The following SYNJ2 variants were observed in gnomAD, a reference collection of about 807,000 sequenced individuals.
SYNJ2 encodes the protein synaptojanin 2.
A neutral mutation model predicts 141.3 loss-of-function variants in SYNJ2; 116 were observed. The observed-to-expected ratio is 0.82, with a 90% CI of 0.71 to 0.96. The LOEUF (loss-of-function observed/expected upper bound fraction) is 0.96. Ranked by LOEUF, SYNJ2 falls within the 40% of genes least tolerant of loss-of-function variation. SYNJ2 has a pLI of 0.00. For missense variants in SYNJ2, 1,873 were observed against 1,934.8 expected, an observed-to-expected ratio of 0.97 and a Z score of 0.60; for synonymous variants, 745 against 777.7, an observed-to-expected ratio of 0.96 and a Z score of 0.70.
At chr6:158,088,479 C>T (rs1783223729) in intron 23 of SYNJ2, among the ~76,000 whole-genome samples, 181 bp from the exon 24 acceptor site, 1 of 152,134 alleles carries the variant, frequency 6.6e-6, no homozygotes, top group Non-Finnish European at 1.5e-5. Flanking sequence ...AAGTGAGAAA[C>T]TCCATAGAGA....
At position 158,059,320 on chromosome 6, in the gene SYNJ2, A is replaced by G. The variant is rs1280708132; in HGVS notation, c.921A>G (p.Arg307=). The G allele has an allele frequency of 3.2e-6, 5 of 1,550,884 alleles. No homozygotes were observed. The highest frequency in any genetic ancestry group is 4.4e-6 in the Non-Finnish European group (5 of 1,146,934). ...QQVVVNLLGS[R]GGEEVLNRAF... ...TGGTCGTGAACCTTCTGGGAAGCAGAGGCGGAGAGGAGGTGCTCAACAGAG... is the reference window on the plus strand; with the variant it reads ...TGGTCGTGAACCTTCTGGGAAGCAGGGGCGGAGAGGAGGTGCTCAACAGAG... The change falls in exon 7 of 27, where the codon AGA becomes AGG. Residue 307 remains arginine, a synonymous_variant. Coordinates refer to ENST00000355585, the MANE Select transcript of SYNJ2 (RefSeq NM_003898.4).
chr6:158,062,021 C>T lies in SYNJ2; in HGVS notation c.984C>T (p.Gly328=), dbSNP rs142499089. Residue 328 remains glycine, a synonymous_variant, in exon 8 of 27, where the codon GGC becomes GGT. Transcript: ENST00000355585. The part of the protein sequence containing the change: ...KKLLWASCHA[G]DTPMINFDFH... ...TGCTCTGGGCTTCTTGCCACGCGGG[C>T]GACACGCCTATGATCAATTTTGACT... 13 of 1,613,946 alleles carry T rather than the reference C, an allele frequency of 8.1e-6. No individual in the cohort carries two copies. The highest frequency in any genetic ancestry group is 3.3e-5 in the South Asian group (3 of 91,092).
In SYNJ2 at chr6:158,040,650, G is replaced by T. The variant is rs1415788644; in HGVS notation, c.712-2666G>T. 6.6e-6 allele frequency among the ~76,000 whole-genome samples: 1 copy of T among 152,216 alleles called. No homozygotes were observed. Among genetic ancestry groups the T allele is most frequent in the Non-Finnish European group, 1.5e-5 (1 of 68,034 alleles). ...CAGGAATGCAGACTTGGAGATAATT[G>T]GTTTGCAGACACTGTATCTGGAAGC... is the stretch of plus-strand genomic sequence containing the variant. On this transcript the variant is annotated intron_variant, in intron 4 of 26. Coordinates refer to ENST00000355585, the MANE Select transcript of SYNJ2 (RefSeq NM_003898.4). This position sits in a 1 kb window ranked among gnomAD's most constrained non-coding sequence, Gnocchi z 4.2.
Position 158,087,303 on chromosome 6 carries a change from G to A in SYNJ2, c.3343+314G>A, listed in dbSNP as rs181417341. On this transcript the variant is annotated intron_variant, in intron 23 of 26. Transcript: ENST00000355585. ...TGGGGGCCGCAGCCATGGGAGGGAC[G>A]TGAGCTTCGCAGTCAGAAGTCTCTC... Among the ~76,000 whole-genome samples, 6 of 152,314 alleles carry A rather than the reference G, an allele frequency of 3.9e-5. No individual in the cohort carries two copies. The East Asian group carries it at 9.6e-4, about 24-fold the overall frequency.
Position 158,027,058 on chromosome 6 carries a change from C to T in SYNJ2, c.215-1698C>T. ...CCCTGCTGGCAGCCCCACCCCATGG[C>T]ATAGCAGCAGGCCCCTGGGAGCCCT... On this transcript the variant is annotated intron_variant, in intron 2 of 26. Transcript: ENST00000355585. The surrounding 1 kb of genome is among the most constrained non-coding windows in gnomAD (Gnocchi z 4.6). 1.0e-6 allele frequency: 1 copy of T among 985,386 alleles called. No homozygotes were observed. Among genetic ancestry groups the T allele is most frequent in the Non-Finnish European group, 1.2e-6 (1 of 829,920 alleles). 61.0% of individuals were successfully genotyped at this position (985,386 alleles called of 1,614,324 possible). A position where few individuals can be genotyped will look rare whatever the true frequency, so the allele number is the denominator to read the frequency against.
rs747389528 is a variant in SYNJ2, at chr6:158,074,574, A to C, written c.2134-6A>C. 6.2e-7 allele frequency: 1 copy of C among 1,610,544 alleles called. No individual in the cohort carries two copies. The highest frequency in any genetic ancestry group is 8.5e-7 in the Non-Finnish European group (1 of 1,178,656). The stretch of plus-strand genomic sequence containing the variant: ...CTGAATGATTATGATTTTCTTTTCA[A>C]CTTAGGGGAGAAATGTTTTTTCTCA... On this transcript the variant is annotated splice_polypyrimidine_tract_variant and splice_region_variant and intron_variant, in intron 15 of 26. Coordinates refer to ENST00000355585, the MANE Select transcript of SYNJ2 (RefSeq NM_003898.4).
intron 2 of SYNJ2, among the ~76,000 whole-genome samples, chr6:158,026,147 C>A (rs549605135): frequency 6.6e-6 from 1 of 152,304 alleles, no homozygotes; most frequent in African/African-American, 2.4e-5. Flanking sequence ...ATTCAGCTTC[C>A]CTGGGGGACA....
Position 158,095,874 on chromosome 6 carries a change from C to CCCTT in SYNJ2, c.4001_4002insCCTT (p.Arg1335LeufsTer30). On this transcript the variant is annotated frameshift_variant, in exon 27 of 27. Transcript: ENST00000355585. LOFTEE classifies it low-confidence loss of function (END_TRUNC). Reference sequence around the variant, plus strand: ...CCGCCTCTTGTGCCCAAGGTACCCCCGAGGAGGAAGAAGTCAGCCCCCGCA... The same window carrying CCCTT: ...CCGCCTCTTGTGCCCAAGGTACCCCCCCTTGAGGAGGAAGAAGTCAGCCCCCGCA... 6.2e-7 allele frequency: 1 copy of CCCTT among 1,614,148 alleles called. No individual in the cohort carries two copies. Among genetic ancestry groups the CCCTT allele is most frequent in the Non-Finnish European group, 8.5e-7 (1 of 1,180,014 alleles).
chr6:158,084,232 T>C lies in SYNJ2; in HGVS notation c.3208+58T>C. ...GCGATGGAGTCAGCTCAGGACAGAC[T>C]TTCCTTTTTCTCTTGGCGATTGGGC... On this transcript the variant is annotated intron_variant, in intron 22 of 26. Coordinates refer to ENST00000355585, the MANE Select transcript of SYNJ2 (RefSeq NM_003898.4). The surrounding 1 kb of genome is among the most constrained non-coding windows in gnomAD (Gnocchi z 5.0). 6.4e-7 allele frequency: 1 copy of C among 1,556,636 alleles called. No individual in the cohort carries two copies. Among genetic ancestry groups the C allele is most frequent in the Non-Finnish European group, 8.7e-7 (1 of 1,150,086 alleles).
intron 15 of SYNJ2, among the ~76,000 whole-genome samples, chr6:158,072,118 T>A (rs1781970001): frequency 6.6e-6 from 1 of 152,246 alleles, no homozygotes; most frequent in African/African-American, 2.4e-5. Flanking sequence ...ACCATGTCCG[T>A]GGTCTGTCCT....
chr6:158,074,610 TTTTG>T lies in SYNJ2; in HGVS notation c.2165_2168del (p.Phe722CysfsTer101), dbSNP rs1201157419. On this transcript the variant is annotated frameshift_variant, in exon 16 of 27. Coordinates refer to ENST00000355585, the MANE Select transcript of SYNJ2 (RefSeq NM_003898.4). LOFTEE classifies it high-confidence loss of function. ...AAATGTTTTTTCTCATGATTATGTATTTTGGTGTGGCGATTTCAACTACCGCATT... is the reference window on the plus strand; with the variant it reads ...AAATGTTTTTTCTCATGATTATGTATGTGTGGCGATTTCAACTACCGCATT... The T allele has an allele frequency of 1.2e-6, 2 of 1,613,692 alleles. No individual in the cohort carries two copies. Among genetic ancestry groups the T allele is most frequent in the Admixed American group, 3.3e-5 (2 of 59,968 alleles).
chr6:158,070,299 C>A lies in SYNJ2; in HGVS notation c.1940+626C>A. On this transcript the variant is annotated intron_variant, in intron 14 of 26. Coordinates refer to ENST00000355585, the MANE Select transcript of SYNJ2 (RefSeq NM_003898.4). This position sits in a 1 kb window ranked among gnomAD's most constrained non-coding sequence, Gnocchi z 4.0. The stretch of plus-strand genomic sequence containing the variant: ...AGCCTTTCGGCGAGCTGGCAGCAGG[C>A]GTTGAACTGACCTCCCCACTGAGCC... 1 of 985,508 alleles carries A rather than the reference C, an allele frequency of 1.0e-6. No homozygotes were observed. The highest frequency in any genetic ancestry group is 1.2e-6 in the Non-Finnish European group (1 of 830,062). 61.0% of individuals were successfully genotyped at this position (985,508 alleles called of 1,614,324 possible).
chr6:158,072,883 A>T (rs182828857), intron 15 of SYNJ2, among the ~76,000 whole-genome samples: 4 of 152,130 alleles, frequency 2.6e-5, no homozygotes, highest in Non-Finnish European at 5.9e-5. Flanking sequence ...CAGCCTGGCC[A>T]ACGTGGTGAA....
intron 1 of SYNJ2, among the ~76,000 whole-genome samples, chr6:158,014,776 G>A (rs538667524): frequency 4.8e-4 from 73 of 152,346 alleles, no homozygotes; most frequent in African/African-American, 1.7e-3. Flanking sequence ...TCCTGTGCTC[G>A]CTAGAGGAGC....
At chr6:158,062,499 C>T (rs1472785279) in intron 8 of SYNJ2, among the ~76,000 whole-genome samples, 3 of 152,114 alleles carry the variant, frequency 2.0e-5, no homozygotes, top group Non-Finnish European at 4.4e-5. Context: ...TGCATTAAAA[C>T]ATGGAGCTCC....
At chr6:157,994,412 TG>T (rs1777568877) in intron 1 of SYNJ2, among the ~76,000 whole-genome samples, 1 of 152,176 alleles carries the variant, frequency 6.6e-6, no homozygotes, top group African/African-American at 2.4e-5. Flanking sequence ...CAATGGAGGT[TG>T]TTTGTTTTTA....
chr6:158,078,079 C>A, intron 17 of SYNJ2, 85 bp from the exon 18 acceptor site: 1 of 881,298 alleles, frequency 1.1e-6, no homozygotes, highest in Non-Finnish European at 1.9e-6. Flanking sequence ...GTGGCGCAGA[C>A]CTCTATTGTG....
intron 2 of SYNJ2, among the ~76,000 whole-genome samples, chr6:158,021,474 T>C (rs2128330685): frequency 6.6e-6 from 1 of 152,266 alleles, no homozygotes; most frequent in South Asian, 2.1e-4. Context: ...CACAGGCAGT[T>C]TCTTAGAGTG....
chr6:158,046,591 C>T (rs965858518), intron 5 of SYNJ2, among the ~76,000 whole-genome samples: 2 of 152,110 alleles, frequency 1.3e-5, no homozygotes, highest in African/African-American at 2.4e-5. Flanking sequence ...TGACAGCTGC[C>T]GTTGGAAACC....
Sources: allele counts gnomAD v4.1 joint callset (sites outside exome capture counted in the v4.1 genomes callset), GRCh38; gene constraint gnomAD v4.1.1; non-coding constraint Gnocchi (gnomAD v3.1); transcripts MANE v1.5; gene names NCBI Gene and HGNC (gene_info 2026-07-23, HGNC 2026-07-21).